Variants in EIF3K observed in about 807,000 individuals in gnomAD.
EIF3K encodes the protein eIF-3 p28.
EIF3K carries 27 observed loss-of-function variants against 34.2 expected under a neutral mutation model. The ratio of observed to expected loss-of-function variants is 0.79; its 90% CI spans 0.58 to 1.09. The LOEUF is 1.09. Among genes scored for constraint, EIF3K ranks in the 50% least tolerant of loss-of-function variants. The pLI, the probability that EIF3K is intolerant of heterozygous loss-of-function variation, is 0.00. For synonymous variants in EIF3K, 105 were observed against 105.7 expected, an observed-to-expected ratio of 0.99 and a Z score of 0.04; for missense variants, 232 against 275.4, an observed-to-expected ratio of 0.84 and a Z score of 1.11.
At chr19:38,629,057 C>CT (rs201601350) in intron 4 of EIF3K, among the ~76,000 whole-genome samples, 43 of 149,570 alleles carry the variant, frequency 2.9e-4, no homozygotes, top group African/African-American at 7.6e-4. Context: ...TGACTGCACA[C>CT]TTTTTTTTTT....
intron 3 of EIF3K, among the ~76,000 whole-genome samples, chr19:38,624,459 C>T (rs1166287518): frequency 6.6e-6 from 1 of 152,016 alleles, no homozygotes; most frequent in Non-Finnish European, 1.5e-5. Context: ...TCACAGCAGC[C>T]GGGCACAATG....
chr19:38,635,215 G>A (rs1286267490), intron 7 of EIF3K, 97 bp downstream of exon 7: 13 of 1,554,502 alleles, frequency 8.4e-6, no homozygotes, highest in African/African-American at 4.1e-5. Flanking sequence ...AGATCTGCTC[G>A]TGTTCTGGGC....
At chr19:38,619,440 T>G in intron 1 of EIF3K, 113 bp downstream of exon 1, 123 of 1,198,470 alleles carry the variant, frequency 1.0e-4, no homozygotes, top group Middle Eastern at 2.1e-4. Context: ...GGGGTTTCTC[T>G]ATCCTCCTGG....
intron 4 of EIF3K, among the ~76,000 whole-genome samples, chr19:38,630,351 T>TTTA (rs1568655739): frequency 3.5e-5 from 5 of 144,764 alleles, no homozygotes; most frequent in African/African-American, 1.3e-4. Flanking sequence ...TTATTTATTT[T>TTTA]TTTTTTTTTT....
intron 4 of EIF3K, among the ~76,000 whole-genome samples, chr19:38,631,137 A>G (rs1976055788): frequency 6.6e-6 from 1 of 152,124 alleles, no homozygotes; most frequent in South Asian, 2.1e-4. Context: ...TGTTAACATT[A>G]CTGAAGGGGT....
chr19:38,630,029 A>G (rs1976027659), intron 4 of EIF3K, among the ~76,000 whole-genome samples: 1 of 152,182 alleles, frequency 6.6e-6, no homozygotes, highest in African/African-American at 2.4e-5. Context: ...CCTCACCTCC[A>G]GGATTTTTGG....
intron 4 of EIF3K, chr19:38,632,207 G>A (rs1025800938): frequency 1.2e-5 from 6 of 517,932 alleles, no homozygotes; most frequent in Middle Eastern, 5.3e-4. Flanking sequence ...CTTGAGCCCA[G>A]GAGTTTGAGA....
At chr19:38,636,737 T>G in intron 7 of EIF3K, 152 bp from the exon 8 acceptor site, 1 of 869,354 alleles carries the variant, frequency 1.2e-6, no homozygotes, top group Non-Finnish European at 1.9e-6. Context: ...TCCATCTTTT[T>G]AAAATACTGC....
chr19:38,624,306 T>C, intron 3 of EIF3K, 109 bp downstream of exon 3: 1 of 1,518,034 alleles, frequency 6.6e-7, no homozygotes, highest in Non-Finnish European at 8.9e-7. Context: ...AACAAGTGCC[T>C]GCTCTGGTCC....
chr19:38,626,229 G>A, intron 4 of EIF3K, 127 bp downstream of exon 4: 1 of 875,894 alleles, frequency 1.1e-6, no homozygotes, highest in East Asian at 2.5e-5. Context: ...CTGCATGTGT[G>A]TGTTTGTGGA....
At chr19:38,624,395 A>G (rs1975905670) in intron 3 of EIF3K, among the ~76,000 whole-genome samples, 198 bp downstream of exon 3, 1 of 152,152 alleles carries the variant, frequency 6.6e-6, no homozygotes, top group South Asian at 2.1e-4. Flanking sequence ...AAGTTGTCGC[A>G]GTCCAGTGAA....
chr19:38,632,508 T>A lies in EIF3K; in HGVS notation c.421+12T>A. 6.2e-7 allele frequency: 1 copy of A among 1,614,144 alleles called. No individual in the cohort carries two copies. On this transcript the variant is annotated intron_variant, in intron 5 of 7. Coordinates refer to ENST00000248342, the MANE Select transcript of EIF3K (RefSeq NM_013234.4). ...CTCTGTCCGAAAGTGTAAGTCCCTC[T>A]CTGAGGCTGGGCTCCCCAAGGGGAA... is the stretch of plus-strand genomic sequence containing the variant.
chr19:38,621,443 A>C (rs1297788982), intron 2 of EIF3K, among the ~76,000 whole-genome samples: 1 of 152,220 alleles, frequency 6.6e-6, no homozygotes, highest in African/African-American at 2.4e-5. Context: ...TACAGAACAC[A>C]TGTACAGGCT....
chr19:38,628,808 C>T (rs1301747378), intron 4 of EIF3K, among the ~76,000 whole-genome samples: 3 of 151,304 alleles, frequency 2.0e-5, no homozygotes, highest in South Asian at 2.1e-4. Flanking sequence ...TGAAAAAGAG[C>T]GAAACTCCAT....
In EIF3K at chr19:38,636,942, G is replaced by C; in HGVS notation, c.*22G>C. 6.2e-7 allele frequency: 1 copy of C among 1,614,090 alleles called. No homozygotes were observed. Among genetic ancestry groups the C allele is most frequent in the Middle Eastern group, 1.6e-4 (1 of 6,062 alleles). On this transcript the variant is annotated 3_prime_UTR_variant, in exon 8 of 8. Transcript: ENST00000248342. ...GTAACTTCAGGTGTTTAATAAAGAT[G>C]TGTTGACTCAGCCCTACTGTCTCCT... is the stretch of plus-strand genomic sequence containing the variant.
rs138381318 is a variant in EIF3K at position 38,626,899 on chromosome 19, C to T, written c.354+797C>T. Among the ~76,000 whole-genome samples the T allele has an allele frequency of 3.4e-3, 524 of 152,284 alleles. 4 individuals are homozygous for T. The highest frequency in any genetic ancestry group is 0.012 in the African/African-American group (497 of 41,564). ...TTGGCTCACTGCAACCTCTGCTTCC[C>T]GGGTTCAAGTGATTCTCCTGTCTCC... On this transcript the variant is annotated intron_variant, in intron 4 of 7. Coordinates refer to ENST00000248342, the MANE Select transcript of EIF3K (RefSeq NM_013234.4).
rs1031557656 is a variant in EIF3K at position 38,626,022 on chromosome 19, T to A, written c.280-6T>A. On this transcript the variant is annotated splice_polypyrimidine_tract_variant and splice_region_variant and intron_variant, in intron 3 of 7. Transcript: ENST00000248342. ...GCCAGTTTTCCTTAATGCTTCCTCC[T>A]CCCAGCAAGAAGAACGGCCAATCCG... 1 of 1,614,000 alleles carries A rather than the reference T, an allele frequency of 6.2e-7. No individual in the cohort carries two copies. Among genetic ancestry groups the A allele is most frequent in the Non-Finnish European group, 8.5e-7 (1 of 1,180,008 alleles).
At chr19:38,632,832 GTC>G (rs1266142600) in intron 6 of EIF3K, 154 bp downstream of exon 6, 2 of 625,928 alleles carry the variant, frequency 3.2e-6, no homozygotes, top group African/African-American at 3.7e-5. Flanking sequence ...GTATAAGACA[GTC>G]TCTGCCTTGA....
rs59428199 is a variant in EIF3K, at chr19:38,629,985, C to T, written c.355-2445C>T. On this transcript the variant is annotated intron_variant, in intron 4 of 7. Coordinates refer to ENST00000248342, the MANE Select transcript of EIF3K (RefSeq NM_013234.4). ...TAGCCAATATGTGTCTGCCCCCTTTCTCAGGGCTCTGGTTTCTGCCTGCCA... is the reference window on the plus strand; with the variant it reads ...TAGCCAATATGTGTCTGCCCCCTTTTTCAGGGCTCTGGTTTCTGCCTGCCA... Among the ~76,000 whole-genome samples the T allele has an allele frequency of 3.2e-3, 494 of 152,292 alleles. 2 individuals are homozygous for T. The highest frequency in any genetic ancestry group is 0.011 in the African/African-American group (454 of 41,568).
Sources: allele counts gnomAD v4.1 joint callset (sites outside exome capture counted in the v4.1 genomes callset), GRCh38; gene constraint gnomAD v4.1.1; transcripts MANE v1.5; gene names NCBI Gene and HGNC (gene_info 2026-07-23, HGNC 2026-07-21).